Variants in RAB3C observed in about 807,000 individuals in gnomAD.
RAB3C encodes the protein RAB3C, member RAS oncogene family, also known as ras-related protein Rab-3C.
RAB3C carries 17 observed loss-of-function variants against 26.4 expected under a neutral mutation model. That is an observed-to-expected ratio of 0.64 (90% CI 0.44 to 0.97). The LOEUF (loss-of-function observed/expected upper bound fraction) is 0.97, where lower values mean the gene tolerates loss of function less well. Ranked by LOEUF, RAB3C falls within the 50% of genes least tolerant of loss-of-function variation. RAB3C has a pLI of 0.00. For missense variants in RAB3C, 242 were observed against 281.9 expected (o/e 0.86, Z 1.01); for synonymous variants, 91 against 95.9 (o/e 0.95, Z 0.30).
intron 3 of RAB3C, among the ~76,000 whole-genome samples, chr5:58,797,378 TATATATATATATATATATAC>T (rs1561133580): frequency 1.2e-4 from 14 of 117,346 alleles, no homozygotes; most frequent in African/African-American, 4.3e-4. Flanking sequence ...AATATATATA[TATATATATATATATATATAC>T]ACAGAGAGAG....
chr5:58,717,316 C>T (rs1490566475), intron 2 of RAB3C, among the ~76,000 whole-genome samples: 1 of 152,094 alleles, frequency 6.6e-6, no homozygotes, highest in African/African-American at 2.4e-5. Context: ...TTTTGTAGCT[C>T]TTGCTGTTTC....
At chr5:58,846,877 C>G (rs1744017300) in intron 4 of RAB3C, 1 of 151,924 alleles carries the variant, frequency 6.6e-6, no homozygotes. Context: ...CATGTTTTAT[C>G]AAACAAAACC....
intron 3 of RAB3C, among the ~76,000 whole-genome samples, chr5:58,776,241 A>G (rs1314511123): frequency 2.0e-5 from 3 of 152,050 alleles, no homozygotes; most frequent in Non-Finnish European, 1.5e-5. Flanking sequence ...TCAATTTTCT[A>G]GATCATAAAT....
intron 3 of RAB3C, among the ~76,000 whole-genome samples, chr5:58,761,063 T>TCACACACACACACACACACACA (rs3060342): frequency 1.4e-5 from 2 of 144,718 alleles, no homozygotes; most frequent in African/African-American, 5.1e-5. Flanking sequence ...TCTCTCTCTC[T>TCACACACACACACACACACACA]CACACACACA....
intron 2 of RAB3C, among the ~76,000 whole-genome samples, chr5:58,715,340 G>T (rs1043869880): frequency 4.6e-5 from 7 of 151,032 alleles, no homozygotes; most frequent in African/African-American, 1.7e-4. Context: ...TAAAAATATT[G>T]CAATAAAGAA....
chr5:58,796,715 G>A (rs1172651979), intron 3 of RAB3C, among the ~76,000 whole-genome samples: 1 of 152,178 alleles, frequency 6.6e-6, no homozygotes, highest in Admixed American at 6.5e-5. Context: ...CTGTGGAGGA[G>A]AAGCCTGTAA....
chr5:58,589,872 C>T (rs1328770836), intron 1 of RAB3C, among the ~76,000 whole-genome samples: 1 of 152,154 alleles, frequency 6.6e-6, no homozygotes, highest in Non-Finnish European at 1.5e-5. Flanking sequence ...AAGTCAGTTT[C>T]AAAACATGAA....
chr5:58,750,230 A>T (rs1327693872), intron 3 of RAB3C, among the ~76,000 whole-genome samples: 2 of 152,214 alleles, frequency 1.3e-5, no homozygotes, highest in Non-Finnish European at 2.9e-5. Context: ...CAAGGGACCA[A>T]TTCTCAACAG....
At chr5:58,833,416 C>T (rs1180682638) in intron 4 of RAB3C, among the ~76,000 whole-genome samples, 1 of 151,606 alleles carries the variant, frequency 6.6e-6, no homozygotes, top group Non-Finnish European at 1.5e-5. Flanking sequence ...GTGTTTTTAG[C>T]TCCTTAGGTG....
rs568685303 is a variant in RAB3C at position 58,594,926 on chromosome 5, T to C, written c.24+11694T>C. ...ATATTTTTAGGAGAGGTTTTCTTTATACCACATAGCACTGGATATGTCCAT... is the reference window on the plus strand; with the variant it reads ...ATATTTTTAGGAGAGGTTTTCTTTACACCACATAGCACTGGATATGTCCAT... On this transcript the variant is annotated intron_variant, in intron 1 of 4. Transcript: ENST00000282878. Among the ~76,000 whole-genome samples the C allele has an allele frequency of 3.3e-5, 5 of 151,950 alleles. No homozygotes were observed. In the South Asian group the frequency reaches 1.0e-3, roughly 32 times the overall value.
chr5:58,693,322 TTATATATATATGTGTATATATATATATA>T (rs1237703216), intron 2 of RAB3C, among the ~76,000 whole-genome samples: 4 of 75,238 alleles, frequency 5.3e-5, no homozygotes, highest in African/African-American at 2.7e-4. Context: ...AATTAAGAAA[TTATATATATATGTGTATATATATATATA>T]TATATATATA....
chr5:58,756,403 T>TATAC (rs1741663838), intron 3 of RAB3C, among the ~76,000 whole-genome samples: 1 of 144,622 alleles, frequency 6.9e-6, no homozygotes, highest in African/African-American at 2.6e-5. Flanking sequence ...TATATATATA[T>TATAC]ATGTATGTTA....
At chr5:58,702,215 TTC>T (rs1241338443) in intron 2 of RAB3C, among the ~76,000 whole-genome samples, 2 of 152,206 alleles carry the variant, frequency 1.3e-5, no homozygotes, top group Non-Finnish European at 2.9e-5. Flanking sequence ...CTTTCATAAT[TTC>T]TGTTATAGCC....
chr5:58,655,366 A>G (rs910652468), intron 2 of RAB3C, among the ~76,000 whole-genome samples: 2 of 152,240 alleles, frequency 1.3e-5, no homozygotes, highest in Non-Finnish European at 2.9e-5. Context: ...AGAATTGTAT[A>G]AAAGGACATG....
chr5:58,681,196 CTTCCCATGTTTA>C (rs1748335587), intron 2 of RAB3C, among the ~76,000 whole-genome samples: 1 of 152,138 alleles, frequency 6.6e-6, no homozygotes, highest in Non-Finnish European at 1.5e-5. Flanking sequence ...TGAGGCACTG[CTTCCCATGTTTA>C]TTTTATTTCA....
At chr5:58,675,230 A>T (rs1345082521) in intron 2 of RAB3C, among the ~76,000 whole-genome samples, 1 of 151,894 alleles carries the variant, frequency 6.6e-6, no homozygotes, top group East Asian at 1.9e-4. Context: ...TTTTCAGCTC[A>T]TTGAGACATG....
intron 2 of RAB3C, among the ~76,000 whole-genome samples, chr5:58,619,604 T>C (rs1746893654): frequency 6.6e-6 from 1 of 152,168 alleles, no homozygotes; most frequent in South Asian, 2.1e-4. Flanking sequence ...CTTTTTCCTC[T>C]CTTCTTTCTG....
intron 3 of RAB3C, among the ~76,000 whole-genome samples, chr5:58,730,993 C>T (rs1403198488): frequency 6.6e-6 from 1 of 152,064 alleles, no homozygotes; most frequent in African/African-American, 2.4e-5. Flanking sequence ...TTTATAAAAC[C>T]ATCAGATCTC....
At chr5:58,713,746 T>C (rs1277056059) in intron 2 of RAB3C, among the ~76,000 whole-genome samples, 1 of 152,186 alleles carries the variant, frequency 6.6e-6, no homozygotes, top group Non-Finnish European at 1.5e-5. Context: ...ATTAAACAGG[T>C]GCTAGAGGAC....
Sources: allele counts gnomAD v4.1 joint callset (sites outside exome capture counted in the v4.1 genomes callset), GRCh38; gene constraint gnomAD v4.1.1; transcripts MANE v1.5; gene names NCBI Gene and HGNC (gene_info 2026-07-23, HGNC 2026-07-21).